The following NPAS3 variants were observed in gnomAD, a reference collection of about 807,000 sequenced individuals.
NPAS3 encodes neuronal PAS domain-containing protein 3.
A neutral mutation model predicts 73.1 loss-of-function variants in NPAS3; 14 were observed. The ratio of observed to expected loss-of-function variants is 0.19; its 90% CI spans 0.13 to 0.30. The LOEUF (loss-of-function observed/expected upper bound fraction) is 0.30, where lower values mean the gene tolerates loss of function less well. Among genes scored for constraint, NPAS3 ranks in the 10% least tolerant of loss-of-function variants. The probability of loss-of-function intolerance (pLI) is 1.00; values close to 1 mark genes in which losing one functional copy is unlikely to be tolerated. For missense variants in NPAS3, 1,096 were observed against 1,250.0 expected, an observed-to-expected ratio of 0.88 and a Z score of 1.86; for synonymous variants, 620 against 541.5, an observed-to-expected ratio of 1.14 and a Z score of -2.01.
chr14:33,648,577 G>T (rs968028133), intron 5 of NPAS3, among the ~76,000 whole-genome samples: 10 of 152,166 alleles, frequency 6.6e-5, no homozygotes, highest in Non-Finnish European at 1.5e-4. Context: ...TACATTTTCT[G>T]CTTGCTAATG....
intron 4 of NPAS3, among the ~76,000 whole-genome samples, chr14:33,491,567 A>G (rs1235108947): frequency 5.9e-5 from 9 of 152,188 alleles, no homozygotes; most frequent in Non-Finnish European, 1.5e-5. Context: ...TAATTTGAAG[A>G]GGCAAATATG....
chr14:33,310,790 TACACACACACACACACAC>T lies in NPAS3; in HGVS notation c.386-56368_386-56351del, dbSNP rs57506320. 3.9e-4 allele frequency among the ~76,000 whole-genome samples: 55 copies of T among 142,256 alleles called. No homozygotes were observed. The South Asian group carries it at 6.8e-3, about 18-fold the overall frequency. The allele number at this position is 142,256 out of a possible 152,430, so 93.3% of individuals were successfully genotyped here. ...AAATTCAGTAGAATGAAATGTATGG[TACACACACACACACACAC>T]ACACACACACACACACACACACACA... is the stretch of plus-strand genomic sequence containing the variant. On this transcript the variant is annotated intron_variant, in intron 3 of 11. Coordinates refer to ENST00000356141, the Ensembl canonical transcript of NPAS3.
At chr14:33,535,267 C>T (rs1436005933) in intron 4 of NPAS3, among the ~76,000 whole-genome samples, 2 of 152,168 alleles carry the variant, frequency 1.3e-5, no homozygotes, top group African/African-American at 4.8e-5. Context: ...CATTCTAGGG[C>T]AGTACCCTTA....
intron 1 of NPAS3, among the ~76,000 whole-genome samples, chr14:33,010,895 A>G (rs2039165714): frequency 6.7e-6 from 1 of 149,704 alleles, no homozygotes; most frequent in African/African-American, 2.4e-5. Context: ...GGATTATGCC[A>G]CTGTACTCCA....
chr14:33,542,160 A>G (rs899925758), intron 4 of NPAS3, among the ~76,000 whole-genome samples: 3 of 152,192 alleles, frequency 2.0e-5, no homozygotes, highest in African/African-American at 7.2e-5. Flanking sequence ...ACTTTAGAAC[A>G]CAACATATAT....
chr14:32,964,160 T>TAA (rs34380538), intron 1 of NPAS3, among the ~76,000 whole-genome samples: 17,993 of 75,300 alleles, frequency 0.24, 2,819 homozygotes, highest in East Asian at 0.66. Context: ...TTTGCTGCAC[T>TAA]AAAAAAAAAA....
chr14:33,105,634 C>A (rs900943818), intron 2 of NPAS3, among the ~76,000 whole-genome samples: 1 of 152,086 alleles, frequency 6.6e-6, no homozygotes, highest in Non-Finnish European at 1.5e-5. Flanking sequence ...GATAAATATG[C>A]AGATGTGTTA....
intron 3 of NPAS3, among the ~76,000 whole-genome samples, chr14:33,331,565 C>G (rs1403052220): frequency 6.6e-6 from 1 of 151,056 alleles, no homozygotes; most frequent in Non-Finnish European, 1.5e-5. Flanking sequence ...TTTCTATTCC[C>G]CCTTACTGTC....
intron 8 of NPAS3, among the ~76,000 whole-genome samples, chr14:33,775,642 G>A (rs929874399): frequency 3.3e-5 from 5 of 152,172 alleles, no homozygotes; most frequent in Non-Finnish European, 5.9e-5. Context: ...GTGTTCAATA[G>A]GGTGGAAGAT....
intron 2 of NPAS3, among the ~76,000 whole-genome samples, chr14:33,152,651 C>T (rs1181273217): frequency 1.3e-5 from 2 of 152,120 alleles, no homozygotes; most frequent in Admixed American, 6.6e-5. Flanking sequence ...AATTTTACCT[C>T]GGAATTTGAG....
At chr14:33,765,026 T>TA (rs1295237801) in intron 7 of NPAS3, among the ~76,000 whole-genome samples, 2 of 152,108 alleles carry the variant, frequency 1.3e-5, no homozygotes, top group African/African-American at 4.8e-5. Context: ...ACTATCCCAA[T>TA]AAAAAATCTT....
In NPAS3 at chr14:33,492,291, A is replaced by G. The variant is rs2051939874; in HGVS notation, c.469-67830A>G. On this transcript the variant is annotated intron_variant, in intron 4 of 11. Transcript: ENST00000356141. ...TTTTCATGTTGCTGTGATAATAGGC[A>G]CATCTGTAAAAAAAAGAATATTTTA... 2.6e-5 allele frequency among the ~76,000 whole-genome samples: 4 copies of G among 152,298 alleles called. No individual in the cohort carries two copies. In the South Asian group the frequency reaches 8.3e-4, roughly 32 times the overall value.
At chr14:33,179,932 A>G (rs1326466591) in intron 2 of NPAS3, among the ~76,000 whole-genome samples, 1 of 152,232 alleles carries the variant, frequency 6.6e-6, no homozygotes, top group African/African-American at 2.4e-5. Flanking sequence ...CTATGTAAAT[A>G]TTATGATAGA....
intron 6 of NPAS3, among the ~76,000 whole-genome samples, chr14:33,718,084 C>T (rs2140527198): frequency 6.6e-6 from 1 of 152,012 alleles, no homozygotes; most frequent in East Asian, 1.9e-4. Flanking sequence ...AGGTCTTTGG[C>T]ACACGCAACG....
At chr14:33,304,829 C>T (rs533902654) in intron 3 of NPAS3, among the ~76,000 whole-genome samples, 6 of 152,050 alleles carry the variant, frequency 3.9e-5, no homozygotes, top group African/African-American at 1.2e-4. Context: ...AACAAATATT[C>T]CAAGGGTTGG....
chr14:33,379,962 TAAG>T (rs551217701), intron 4 of NPAS3, among the ~76,000 whole-genome samples: 150 of 138,664 alleles, frequency 1.1e-3, no homozygotes, highest in Non-Finnish European at 1.0e-3. Context: ...AGAAGAATCT[TAAG>T]TAGTTATCCC....
intron 5 of NPAS3, among the ~76,000 whole-genome samples, chr14:33,643,181 T>C (rs2058722003): frequency 6.6e-6 from 1 of 152,078 alleles, no homozygotes; most frequent in African/African-American, 2.4e-5. Context: ...TGTCAGTTTG[T>C]AGCAGCATAC....
intron 5 of NPAS3, among the ~76,000 whole-genome samples, chr14:33,674,351 G>A (rs977822231): frequency 1.3e-5 from 2 of 152,184 alleles, no homozygotes; most frequent in African/African-American, 4.8e-5. Context: ...AAATATTTAC[G>A]AAAGTGCTAC....
intron 2 of NPAS3, among the ~76,000 whole-genome samples, chr14:33,138,521 C>T (rs765288763): frequency 6.6e-6 from 1 of 152,110 alleles, no homozygotes; most frequent in African/African-American, 2.4e-5. Flanking sequence ...AAAAAAAGTA[C>T]ATCCATGCCC....
Sources: allele counts gnomAD v4.1 joint callset (sites outside exome capture counted in the v4.1 genomes callset), GRCh38; gene constraint gnomAD v4.1.1; transcripts MANE v1.5; gene names NCBI Gene and HGNC (gene_info 2026-07-23, HGNC 2026-07-21).